Variants in SLFN14 observed in about 807,000 individuals in gnomAD.
SLFN14 encodes the protein protein SLFN14.
In SLFN14, 47 loss-of-function variants were observed where a neutral mutation model predicts 58.6. The ratio of observed to expected loss-of-function variants is 0.80; its 90% CI spans 0.64 to 1.02. The LOEUF is 1.02. SLFN14 is among the 50% of genes least tolerant of loss of function. SLFN14 has a pLI of 0.00. For synonymous variants in SLFN14, 390 were observed against 387.3 expected, an observed-to-expected ratio of 1.01 and a Z score of -0.08; for missense variants, 967 against 1,078.4, an observed-to-expected ratio of 0.90 and a Z score of 1.45.
At position 35,545,777 on chromosome 17, in the gene SLFN14, T is replaced by C. The variant is rs2142192078; in HGVS notation, c.*2462A>G. Among the ~76,000 whole-genome samples the C allele has an allele frequency of 6.6e-6, 1 of 152,278 alleles. No homozygotes were observed. The highest frequency in any genetic ancestry group is 2.1e-4 in the South Asian group (1 of 4,824). On this transcript the variant is annotated 3_prime_UTR_variant, in exon 6 of 6. Transcript: ENST00000674182. ...CCTCAGCCTCTCAAAGTTCTGGTAT[T>C]ACAGGCACCAGCCACTGCACCCTGC... is the stretch of plus-strand genomic sequence containing the variant.
At position 35,557,927 on chromosome 17, in the gene SLFN14, T is replaced by C. The variant is rs771310864; in HGVS notation, c.136A>G (p.Ile46Val). The C allele has an allele frequency of 1.0e-5, 16 of 1,551,736 alleles. No individual in the cohort carries two copies. The highest frequency in any genetic ancestry group is 1.4e-5 in the Non-Finnish European group (16 of 1,146,996). Residue 46 changes from isoleucine (I) to valine (V), a missense_variant, in exon 3 of 6, where the codon ATC (isoleucine) becomes GTC (valine). Coordinates refer to ENST00000674182, the MANE Select transcript of SLFN14 (RefSeq NM_001129820.2). The stretch of plus-strand genomic sequence containing the variant: ...TTTAACAGTGCACATATAGCCCGGA[T>C]AATTCTAGAATTCTCAGATCTTTTC... Reference protein sequence around the residue: ...CLKRSENSRIIRAICALLNSG... With the variant: ...CLKRSENSRIVRAICALLNSG...
intron 3 of SLFN14, among the ~76,000 whole-genome samples, chr17:35,555,476 T>C (rs2072643446): frequency 1.3e-5 from 2 of 150,708 alleles, no homozygotes; most frequent in Admixed American, 6.6e-5. Context: ...TGCTTGAACC[T>C]GGGAGGCGGA....
Position 35,544,154 on chromosome 17 carries a change from G to T in SLFN14, c.*4085C>A, listed in dbSNP as rs1187907893. ...CCACCCAGGGTACATTCTTTGTATG[G>T]AAACAGCAGAAACCCGAGAGAGTAA... On this transcript the variant is annotated 3_prime_UTR_variant, in exon 6 of 6. Transcript: ENST00000674182. 6.6e-6 allele frequency among the ~76,000 whole-genome samples: 1 copy of T among 152,164 alleles called. No individual in the cohort carries two copies. Among genetic ancestry groups the T allele is most frequent in the Non-Finnish European group, 1.5e-5 (1 of 68,026 alleles).
chr17:35,552,893 C>T lies in SLFN14; in HGVS notation c.1741G>A (p.Glu581Lys), dbSNP rs763883083. Residue 581 changes from glutamate to lysine, a missense_variant, in exon 5 of 6, where the codon GAG (glutamate) becomes AAG (lysine). By Grantham distance (56) the Glu-to-Lys change is moderately conservative. Coordinates refer to ENST00000674182, the MANE Select transcript of SLFN14 (RefSeq NM_001129820.2). ...AATTCACGTGTCTTCTGAAGACTCT[C>T]AGAAAGCAACTGGCTCTGCTCCATT... The part of the protein sequence containing the change: ...LIMEQSQLLS[E>K]SLQKTRELFI... 5.4e-5 allele frequency: 84 copies of T among 1,551,520 alleles called. 3 individuals carry two copies. The South Asian group carries it at 9.9e-4, about 18-fold the overall frequency.
intron 3 of SLFN14, among the ~76,000 whole-genome samples, chr17:35,556,068 C>T (rs1037979587): frequency 1.3e-5 from 2 of 151,956 alleles, no homozygotes; most frequent in Non-Finnish European, 2.9e-5. Flanking sequence ...GACGGGGTCT[C>T]GCTCTGTTGC....
intron 5 of SLFN14, 91 bp downstream of exon 5, chr17:35,552,637 CAT>C (rs144316056): frequency 0.094 from 37,043 of 395,288 alleles, 3,957 homozygotes; most frequent in East Asian, 0.35. Context: ...CATATATATA[CAT>C]ATATATATAC....
chr17:35,548,102 A>G lies in SLFN14; in HGVS notation c.*137T>C. ...AAATAGAGTGGAAGGCTCAGCTCCA[A>G]GAGACATTTCTGTGGCTCCAGGCCA... On this transcript the variant is annotated 3_prime_UTR_variant, in exon 6 of 6. Coordinates refer to ENST00000674182, the MANE Select transcript of SLFN14 (RefSeq NM_001129820.2). The G allele has an allele frequency of 1.2e-6, 1 of 839,766 alleles. No homozygotes were observed. The highest frequency in any genetic ancestry group is 1.8e-6 in the Non-Finnish European group (1 of 555,126). The allele number at this position is 839,766 out of a possible 1,614,324, so 52.0% of individuals were successfully genotyped here.
chr17:35,546,372 G>A lies in SLFN14; in HGVS notation c.*1867C>T, dbSNP rs1049474562. 3.9e-5 allele frequency among the ~76,000 whole-genome samples: 6 copies of A among 152,106 alleles called. No homozygotes were observed. Among genetic ancestry groups the A allele is most frequent in the Non-Finnish European group, 7.4e-5 (5 of 68,022 alleles). On this transcript the variant is annotated 3_prime_UTR_variant, in exon 6 of 6. Coordinates refer to ENST00000674182, the MANE Select transcript of SLFN14 (RefSeq NM_001129820.2). ...AGGGAGAGGTTTTTCTTTTCAACCC[G>A]TGCCTAGGTACAGACTAGCCCTTCT...
At chr17:35,554,415 A>T (rs915394317) in intron 4 of SLFN14, among the ~76,000 whole-genome samples, 161 bp downstream of exon 4, 1 of 146,914 alleles carries the variant, frequency 6.8e-6, no homozygotes, top group Non-Finnish European at 1.5e-5. Flanking sequence ...TATATATATT[A>T]TATATATAAT....
chr17:35,548,203 G>A lies in SLFN14; in HGVS notation c.*36C>T, dbSNP rs535428033. On this transcript the variant is annotated 3_prime_UTR_variant, in exon 6 of 6. Transcript: ENST00000674182. Reference sequence around the variant, plus strand: ...CTACCTGTCTAGGAGAAAGGACTCTGCTCTTCCTGTCTTCCTCTATTATTT... The same window carrying A: ...CTACCTGTCTAGGAGAAAGGACTCTACTCTTCCTGTCTTCCTCTATTATTT... The A allele has an allele frequency of 3.5e-5, 53 of 1,530,162 alleles. No homozygotes were observed. The East Asian group carries it at 1.2e-3, about 33-fold the overall frequency. The allele number at this position is 1,530,162 out of a possible 1,614,324, so 94.8% of individuals were successfully genotyped here. A position where few individuals can be genotyped will look rare whatever the true frequency, so the allele number is the denominator to read the frequency against.
rs1295626062 is a variant in SLFN14 at position 35,558,969 on chromosome 17, G to GGGAGGT, written c.-45+752_-45+757dup. ...CTCACATGTGTAATCTCAGCACTTT[G>GGGAGGT]GGAGGTGGATGTGAGAGGATTGCTT... On this transcript the variant is annotated intron_variant, in intron 2 of 5. Transcript: ENST00000674182. Among the ~76,000 whole-genome samples the GGGAGGT allele has an allele frequency of 6.6e-5, 10 of 152,186 alleles. No homozygotes were observed. The Middle Eastern group carries it at 0.034, about 518-fold the overall frequency.
Position 35,549,035 on chromosome 17 carries a change from A to T in SLFN14, c.1943T>A (p.Phe648Tyr). Residue 648 changes from phenylalanine to tyrosine, a missense_variant, in exon 6 of 6, where the codon TTC (phenylalanine) becomes TAC (tyrosine). Physicochemically the swap from Phe to Tyr is conservative, Grantham distance 22. Transcript: ENST00000674182. ...AATCTTTAGAAACTCCCCTTGCATG[A>T]AAGTTTTCCTGGTCACAGCTTGGCA... The part of the protein sequence containing the change: ...TTCQAVTRKT[F>Y]MQGEFLKIKH... The T allele has an allele frequency of 6.4e-7, 1 of 1,551,678 alleles. No homozygotes were observed. Among genetic ancestry groups the T allele is most frequent in the Non-Finnish European group, 8.7e-7 (1 of 1,146,978 alleles).
In SLFN14 at chr17:35,548,036, G is replaced by A; in HGVS notation, c.*203C>T. On this transcript the variant is annotated 3_prime_UTR_variant, in exon 6 of 6. Coordinates refer to ENST00000674182, the MANE Select transcript of SLFN14 (RefSeq NM_001129820.2). ...TAATGAAGTCTATTGTAATTGTATA[G>A]GTAGGAGGTGAAGGAAATTGTGAAA... The A allele has an allele frequency of 1.7e-6, 1 of 593,362 alleles. No homozygotes were observed. The highest frequency in any genetic ancestry group is 3.0e-6 in the Non-Finnish European group (1 of 335,588). The allele number at this position is 593,362 out of a possible 1,614,324, so 36.8% of individuals were successfully genotyped here. A position where few individuals can be genotyped will look rare whatever the true frequency, so the allele number is the denominator to read the frequency against.
chr17:35,553,965 G>A (rs2072623798), intron 4 of SLFN14, among the ~76,000 whole-genome samples: 1 of 152,054 alleles, frequency 6.6e-6, no homozygotes, highest in Admixed American at 6.6e-5. Flanking sequence ...GTCACAATTG[G>A]AGGGGAGCTA....
In SLFN14 at chr17:35,548,574, A is replaced by G. The variant is rs1439648456; in HGVS notation, c.2404T>C (p.Cys802Arg). 6.4e-7 allele frequency: 1 copy of G among 1,551,562 alleles called. No individual in the cohort carries two copies. The highest frequency in any genetic ancestry group is 1.4e-5 in the African/African-American group (1 of 73,030). Residue 802 changes from cysteine (C) to arginine (R), a missense_variant, in exon 6 of 6, where the codon TGT (cysteine) becomes CGT (arginine). Coordinates refer to ENST00000674182, the MANE Select transcript of SLFN14 (RefSeq NM_001129820.2). ...TAGCCACACTGGAACAGGCTGTGAC[A>G]TTTTCTTGCCACATAGTTAGCTATT... ...EQIANYVARK[C>R]HSLFQCGYLP...
Position 35,552,916 on chromosome 17 carries a change from A to T in SLFN14, c.1718T>A (p.Met573Lys). Residue 573 changes from methionine (M) to lysine (K), a missense_variant, in exon 5 of 6, where the codon ATG (methionine) becomes AAG (lysine). Met to Lys is a moderately conservative substitution (Grantham distance 95). Coordinates refer to ENST00000674182, the MANE Select transcript of SLFN14 (RefSeq NM_001129820.2). ...CTCAGAAAGCAACTGGCTCTGCTCCATTATGAGCAAGTTGAAAAATTCACA... is the reference window on the plus strand; with the variant it reads ...CTCAGAAAGCAACTGGCTCTGCTCCTTTATGAGCAAGTTGAAAAATTCACA... ...MGCEFFNLLI[M>K]EQSQLLSESL... 3 of 1,551,676 alleles carry T rather than the reference A, an allele frequency of 1.9e-6. No individual in the cohort carries two copies. In the South Asian group the frequency reaches 3.6e-5, roughly 18 times the overall value.
chr17:35,555,568 GT>G (rs2072644919), intron 3 of SLFN14, among the ~76,000 whole-genome samples: 1 of 147,918 alleles, frequency 6.8e-6, no homozygotes, highest in Admixed American at 6.7e-5. Context: ...AAAAAAAAAT[GT>G]TGTTACAGTT....
In SLFN14 at chr17:35,552,948, C is replaced by A; in HGVS notation, c.1686G>T (p.Gln562His). 6.4e-7 allele frequency: 1 copy of A among 1,551,622 alleles called. No individual in the cohort carries two copies. The highest frequency in any genetic ancestry group is 2.4e-5 in the East Asian group (1 of 40,904). The change falls in exon 5 of 6, where the codon CAG becomes CAT. Residue 562 changes from glutamine to histidine, a missense_variant. Coordinates refer to ENST00000674182, the MANE Select transcript of SLFN14 (RefSeq NM_001129820.2). ...SLSSRSLLSD[Q>H]MGCEFFNLLI... ...GCAAGTTGAAAAATTCACAGCCCAT[C>A]TGGTCACTCAGAAGAGATCTGGAGG...
rs758808409 is a variant in SLFN14 at position 35,553,008 on chromosome 17, T to G, written c.1626A>C (p.Glu542Asp). The G allele has an allele frequency of 2.6e-6, 4 of 1,551,588 alleles. No individual in the cohort carries two copies. In the South Asian group the frequency reaches 4.8e-5, roughly 18 times the overall value. Residue 542 changes from glutamate to aspartate, a missense_variant, in exon 5 of 6, where the codon GAA (glutamate) becomes GAC (aspartate). By Grantham distance (45) the Glu-to-Asp change is conservative. Coordinates refer to ENST00000674182, the MANE Select transcript of SLFN14 (RefSeq NM_001129820.2). The part of the protein sequence containing the change: ...SYRLADEEEM[E>D]DLLQALVVVS... The stretch of plus-strand genomic sequence containing the variant: ...CCACCACCAGAGCCTGCAGCAAGTC[T>G]TCCATTTCCTCCTCATCAGCAAGCC...
Sources: allele counts gnomAD v4.1 joint callset (sites outside exome capture counted in the v4.1 genomes callset), GRCh38; gene constraint gnomAD v4.1.1; transcripts MANE v1.5; gene names NCBI Gene and HGNC (gene_info 2026-07-23, HGNC 2026-07-21).